Variants in POT1 observed in about 807,000 individuals in gnomAD.
POT1 encodes protection of telomeres 1, also known as protection of telomeres protein 1.
Under a neutral mutation model 78.5 loss-of-function variants are expected in POT1, and 47 were observed. The observed-to-expected ratio is 0.60, with a 90% CI of 0.47 to 0.76. POT1 has a LOEUF of 0.76. Ranked by LOEUF, POT1 falls within the 30% of genes least tolerant of loss-of-function variation. The probability of loss-of-function intolerance (pLI) is 0.00; values close to 1 mark genes in which losing one functional copy is unlikely to be tolerated. For missense variants in POT1, 646 were observed against 749.9 expected (o/e 0.86, Z 1.62); for synonymous variants, 259 against 260.7 (o/e 0.99, Z 0.06).
rs1795019001 is a variant in POT1 at position 124,841,144 on chromosome 7, T to C, written c.1198A>G (p.Ile400Val). The C allele has an allele frequency of 1.2e-6, 2 of 1,612,566 alleles. No individual in the cohort carries two copies. Among genetic ancestry groups the C allele is most frequent in the African/African-American group, 2.7e-5 (2 of 74,850 alleles). Residue 400 changes from isoleucine (I) to valine (V), a missense_variant, in exon 14 of 19, where the codon ATT (isoleucine) becomes GTT (valine). Ile to Val is a conservative substitution (Grantham distance 29, BLOSUM62 3). This residue lies in a region of POT1 where 394 missense variants were observed against 408.4 expected (regional missense o/e 0.96). Transcript: ENST00000357628. ...EVPHEGDLDI[I>V]FQDGATKTPD... is the part of the protein sequence containing the mutation. ...GTTTTAGTTGCACCATCCTGAAAAA[T>C]TATATCCAAATCGCCCTCATGTGGA... is the stretch of plus-strand genomic sequence containing the variant.
At chr7:124,891,905 T>C (rs1319880911) in intron 6 of POT1, among the ~76,000 whole-genome samples, 1 of 151,696 alleles carries the variant, frequency 6.6e-6, no homozygotes, top group African/African-American at 2.4e-5. Flanking sequence ...TATATTTGCC[T>C]TTCAACTTCT....
chr7:124,887,148 G>A (rs1402518181), intron 6 of POT1, among the ~76,000 whole-genome samples: 1 of 152,058 alleles, frequency 6.6e-6, no homozygotes, highest in East Asian at 1.9e-4. Context: ...ACTACTAAGG[G>A]AAAAGTATGT....
In POT1 at chr7:124,915,572, A is replaced by T. The variant is rs1193714408; in HGVS notation, c.-154+2T>A. 6.6e-6 allele frequency: 1 copy of T among 152,172 alleles called. No individual in the cohort carries two copies. The highest frequency in any genetic ancestry group is 2.4e-5 in the African/African-American group (1 of 41,462). The allele number at this position is 152,172 out of a possible 1,614,324, so 9.4% of individuals were successfully genotyped here. The stretch of plus-strand genomic sequence containing the variant: ...TAGAAATAGTTTGCTTATACTATAT[A>T]CCTTGTAGTCCAATCTGCAAAACAG... On this transcript the variant is annotated splice_donor_variant, in intron 3 of 18. Transcript: ENST00000357628. LOFTEE classifies it low-confidence loss of function (5UTR_SPLICE).
At chr7:124,846,065 C>T (rs1485375304) in intron 12 of POT1, among the ~76,000 whole-genome samples, 1 of 151,974 alleles carries the variant, frequency 6.6e-6, no homozygotes, top group Non-Finnish European at 1.5e-5. Flanking sequence ...AAACCAAGAT[C>T]TGAGCACCAG....
intron 3 of POT1, among the ~76,000 whole-genome samples, chr7:124,914,533 T>G (rs1796971192): frequency 6.6e-6 from 1 of 152,218 alleles, no homozygotes; most frequent in Admixed American, 6.5e-5. Flanking sequence ...AAGCCCTTCT[T>G]CTGACATATA....
In POT1 at chr7:124,908,342, A is replaced by G. The variant is rs576990244; in HGVS notation, c.-154+7232T>C. Among the ~76,000 whole-genome samples the G allele has an allele frequency of 1.2e-3, 175 of 152,100 alleles. 1 individual carries two copies. The highest frequency in any genetic ancestry group is 3.8e-3 in the African/African-American group (159 of 41,524). Reference sequence around the variant, plus strand: ...TGAGTAATACCAAGGTCATAATTGGAAGTAATGTATGTGAATAATATTAGC... The same window carrying G: ...TGAGTAATACCAAGGTCATAATTGGGAGTAATGTATGTGAATAATATTAGC... On this transcript the variant is annotated intron_variant, in intron 3 of 18. Transcript: ENST00000357628.
intron 7 of POT1, among the ~76,000 whole-genome samples, chr7:124,869,824 G>A (rs998993650): frequency 5.3e-5 from 8 of 152,042 alleles, no homozygotes; most frequent in Admixed American, 1.3e-4. Flanking sequence ...CAGGTGATCC[G>A]CCAGCATCAA....
At chr7:124,825,205 T>C in intron 18 of POT1, 47 bp downstream of exon 18, 1 of 1,251,966 alleles carries the variant, frequency 8.0e-7, no homozygotes, top group Non-Finnish European at 1.2e-6. Flanking sequence ...ATGTTAGTGC[T>C]ATCTCAAGTA....
At chr7:124,912,767 C>A (rs1281953640) in intron 3 of POT1, among the ~76,000 whole-genome samples, 1 of 152,044 alleles carries the variant, frequency 6.6e-6, no homozygotes, top group Non-Finnish European at 1.5e-5. Context: ...CAGATGTATT[C>A]AGAGTAATAT....
Position 124,892,392 on chromosome 7 carries a change from G to C in POT1, c.10-12C>G. 7.9e-7 allele frequency: 1 copy of C among 1,258,686 alleles called. No individual in the cohort carries two copies. Among genetic ancestry groups the C allele is most frequent in the Non-Finnish European group, 1.1e-6 (1 of 924,700 alleles). The allele number at this position is 1,258,686 out of a possible 1,614,324, so 78.0% of individuals were successfully genotyped here. A position where few individuals can be genotyped will look rare whatever the true frequency, so the allele number is the denominator to read the frequency against. On this transcript the variant is annotated splice_polypyrimidine_tract_variant and intron_variant, in intron 5 of 18. Transcript: ENST00000357628. ...TTTGTTGCTGGAACCTAAAGAAAGA[G>C]AAGACAGTGAATACATTTATACAAA...
At chr7:124,895,506 C>T (rs1796471061) in intron 5 of POT1, among the ~76,000 whole-genome samples, 1 of 151,538 alleles carries the variant, frequency 6.6e-6, no homozygotes, top group African/African-American at 2.4e-5. Flanking sequence ...GAGAGAAAGA[C>T]ACCTAGCAGC....
At chr7:124,842,116 A>C (rs1049117734) in intron 13 of POT1, among the ~76,000 whole-genome samples, 9 of 152,024 alleles carry the variant, frequency 5.9e-5, no homozygotes, top group Admixed American at 3.9e-4. Flanking sequence ...TTTAGTGAAG[A>C]CTCAATTTAG....
At chr7:124,878,432 T>C (rs918191642) in intron 6 of POT1, among the ~76,000 whole-genome samples, 2 of 152,190 alleles carry the variant, frequency 1.3e-5, no homozygotes, top group African/African-American at 4.8e-5. Context: ...GTGGTGACCA[T>C]ACTTAATAAT....
At chr7:124,847,630 T>C (rs1458011829) in intron 11 of POT1, among the ~76,000 whole-genome samples, 1 of 152,196 alleles carries the variant, frequency 6.6e-6, no homozygotes, top group Non-Finnish European at 1.5e-5. Context: ...GAGAACCATG[T>C]ACATGACTTC....
At chr7:124,910,982 T>C (rs1490542733) in intron 3 of POT1, among the ~76,000 whole-genome samples, 1 of 152,056 alleles carries the variant, frequency 6.6e-6, no homozygotes, top group Non-Finnish European at 1.5e-5. Context: ...CCCAACACTA[T>C]TTTCTGTATT....
intron 2 of POT1, among the ~76,000 whole-genome samples, chr7:124,918,390 G>A (rs1025303139): frequency 6.6e-6 from 1 of 152,182 alleles, no homozygotes; most frequent in African/African-American, 2.4e-5. Context: ...GGGGTAGCAT[G>A]TGTGCCACTG....
At chr7:124,865,394 T>C (rs1247876152) in intron 7 of POT1, among the ~76,000 whole-genome samples, 1 of 152,098 alleles carries the variant, frequency 6.6e-6, no homozygotes, top group Non-Finnish European at 1.5e-5. Flanking sequence ...TCACCCTCTC[T>C]CCTCTTGCAT....
intron 11 of POT1, among the ~76,000 whole-genome samples, chr7:124,850,491 C>A (rs533028767): frequency 2.6e-4 from 40 of 152,178 alleles, no homozygotes; most frequent in African/African-American, 9.4e-4. Flanking sequence ...ACTTTGGGAG[C>A]CCGAGGCGGG....
chr7:124,853,785 G>T (rs190032080), intron 9 of POT1, among the ~76,000 whole-genome samples: 1 of 152,008 alleles, frequency 6.6e-6, no homozygotes, highest in South Asian at 2.1e-4. Context: ...CAGATGTTTT[G>T]CTAAACTTAG....
Sources: gnomAD v4.1 joint callset for allele counts (sites outside exome capture counted in the v4.1 genomes callset) on GRCh38, gnomAD v4.1.1 for gene constraint, gnomAD v4.1.1 regional missense constraint, MANE v1.5 for transcripts, NCBI Gene and HGNC (gene_info 2026-07-23, HGNC 2026-07-21) for gene names.